The following ATG10 variants were observed in gnomAD, a reference collection of about 807,000 sequenced individuals.
ATG10 encodes ubiquitin-like-conjugating enzyme ATG10.
A neutral mutation model predicts 32.1 loss-of-function variants in ATG10; 30 were observed. That is an observed-to-expected ratio of 0.94 (90% CI 0.70 to 1.27). The LOEUF (loss-of-function observed/expected upper bound fraction) is 1.27. ATG10 is among the 50% of genes most tolerant of loss of function. The pLI is 0.00. For missense variants in ATG10, 233 were observed against 262.3 expected (o/e 0.89, Z 0.77); for synonymous variants, 87 against 91.5 (o/e 0.95, Z 0.28).
intron 3 of ATG10, among the ~76,000 whole-genome samples, chr5:82,145,405 C>T (rs1233079634): frequency 2.0e-5 from 3 of 151,896 alleles, no homozygotes; most frequent in African/African-American, 4.8e-5. Context: ...TTTTTAGATA[C>T]ACTTCTTTAC....
At chr5:82,249,875 G>A (rs572689147) in intron 5 of ATG10, among the ~76,000 whole-genome samples, 11 of 152,320 alleles carry the variant, frequency 7.2e-5, no homozygotes, top group Middle Eastern at 3.4e-3. Flanking sequence ...CCCCTGAACT[G>A]TAAGTGCCTA....
intron 1 of ATG10, among the ~76,000 whole-genome samples, chr5:81,983,810 C>G (rs1480119577): frequency 6.6e-6 from 1 of 151,876 alleles, no homozygotes; most frequent in East Asian, 1.9e-4. Context: ...AGAGACGCTC[C>G]TCACCTCCCA....
intron 3 of ATG10, among the ~76,000 whole-genome samples, chr5:82,124,641 G>GCT (rs1332048361): frequency 6.7e-6 from 1 of 148,802 alleles, no homozygotes; most frequent in Non-Finnish European, 1.5e-5. Context: ...TTCTTTTTTA[G>GCT]GGTATTCCAT....
At chr5:82,112,367 A>G (rs185529780) in intron 3 of ATG10, among the ~76,000 whole-genome samples, 1 of 151,982 alleles carries the variant, frequency 6.6e-6, no homozygotes, top group Non-Finnish European at 1.5e-5. Context: ...AATCTTTTGT[A>G]TAGGTACTGT....
intron 5 of ATG10, among the ~76,000 whole-genome samples, chr5:82,239,544 C>T (rs1746699560): frequency 2.6e-5 from 4 of 152,068 alleles, no homozygotes. Flanking sequence ...CCTGATTGGT[C>T]AGGGATTAGT....
intron 3 of ATG10, among the ~76,000 whole-genome samples, chr5:82,140,155 C>T (rs1581733495): frequency 9.2e-6 from 1 of 108,852 alleles, no homozygotes; most frequent in Non-Finnish European, 2.0e-5. Context: ...AGTGAGGAGC[C>T]CCTCTGCCCG....
At chr5:82,001,222 G>T (rs944712413) in intron 2 of ATG10, among the ~76,000 whole-genome samples, 1 of 152,144 alleles carries the variant, frequency 6.6e-6, no homozygotes, top group East Asian at 1.9e-4. Flanking sequence ...GCAATGTACA[G>T]ATTCAATACT....
intron 5 of ATG10, among the ~76,000 whole-genome samples, chr5:82,228,414 A>G (rs1746223201): frequency 6.6e-6 from 1 of 152,222 alleles, no homozygotes; most frequent in South Asian, 2.1e-4. Flanking sequence ...CAAAATGGCC[A>G]CAGGAAATTT....
chr5:82,113,305 G>C (rs1287203412), intron 3 of ATG10, among the ~76,000 whole-genome samples: 1 of 151,894 alleles, frequency 6.6e-6, no homozygotes, highest in Non-Finnish European at 1.5e-5. Flanking sequence ...ATCAGATGAA[G>C]AATACTTAAT....
Position 82,060,853 on chromosome 5 carries a change from GA to G in ATG10, c.216+2263del, listed in dbSNP as rs375876470. The stretch of plus-strand genomic sequence containing the variant: ...GGTGACAGAGTGAGACCTTGTCTGG[GA>G]AAAAAAAAAAAGTTCATGTTAAGTG... On this transcript the variant is annotated intron_variant, in intron 3 of 7. Coordinates refer to ENST00000282185, the MANE Select transcript of ATG10 (RefSeq NM_031482.5). Among the ~76,000 whole-genome samples the G allele has an allele frequency of 2.6e-3, 382 of 144,360 alleles. 1 individual carries two copies. Among genetic ancestry groups the G allele is most frequent in the African/African-American group, 8.5e-3 (338 of 39,644 alleles). 94.7% of individuals were successfully genotyped at this position (144,360 alleles called of 152,430 possible).
At chr5:82,012,908 G>A (rs574630230) in intron 2 of ATG10, among the ~76,000 whole-genome samples, 8 of 151,470 alleles carry the variant, frequency 5.3e-5, no homozygotes, top group African/African-American at 1.5e-4. Flanking sequence ...TCCGCCTTCC[G>A]TGGCTTCCCA....
intron 5 of ATG10, among the ~76,000 whole-genome samples, chr5:82,248,035 A>G (rs781616408): frequency 6.6e-6 from 1 of 152,162 alleles, no homozygotes. Flanking sequence ...TTCTTTTGCC[A>G]ATGGATGTGT....
chr5:82,126,068 GCTCT>G (rs1348273048), intron 3 of ATG10, among the ~76,000 whole-genome samples: 2 of 127,524 alleles, frequency 1.6e-5, no homozygotes, highest in Non-Finnish European at 3.3e-5. Flanking sequence ...CTATGATTTG[GCTCT>G]CTGTTTGTCT....
At chr5:82,160,562 T>C (rs1185177178) in intron 3 of ATG10, among the ~76,000 whole-genome samples, 5 of 152,198 alleles carry the variant, frequency 3.3e-5, no homozygotes, top group Admixed American at 6.5e-5. Flanking sequence ...TTTACTTCTA[T>C]GAGAAACTGT....
intron 5 of ATG10, among the ~76,000 whole-genome samples, chr5:82,206,369 C>T (rs1035650343): frequency 1.6e-4 from 25 of 152,000 alleles, no homozygotes; most frequent in African/African-American, 2.2e-4. Context: ...AACTTCTCAC[C>T]GGGCGCGGTG....
At chr5:82,139,549 T>C (rs1581731849) in intron 3 of ATG10, among the ~76,000 whole-genome samples, 1 of 134,446 alleles carries the variant, frequency 7.4e-6, no homozygotes, top group African/African-American at 2.9e-5. Context: ...GTCTGGGAGG[T>C]GAGGAGCGTC....
chr5:82,088,952 A>G (rs1332185521), intron 3 of ATG10, among the ~76,000 whole-genome samples: 2 of 152,212 alleles, frequency 1.3e-5, no homozygotes, highest in Non-Finnish European at 2.9e-5. Flanking sequence ...TTATATGAAA[A>G]GGCAAAGGAA....
At chr5:82,100,006 T>A (rs1382900571) in intron 3 of ATG10, among the ~76,000 whole-genome samples, 4 of 125,160 alleles carry the variant, frequency 3.2e-5, no homozygotes, top group African/African-American at 1.3e-4. Flanking sequence ...CTGTGTTTTT[T>A]TTTTTTTTTT....
At chr5:82,098,943 A>G (rs1765168793) in intron 3 of ATG10, among the ~76,000 whole-genome samples, 1 of 152,242 alleles carries the variant, frequency 6.6e-6, no homozygotes, top group Admixed American at 6.5e-5. Context: ...ATAAAATGGC[A>G]TTACATCTTG....
Sources: allele counts gnomAD v4.1 joint callset (sites outside exome capture counted in the v4.1 genomes callset), GRCh38; gene constraint gnomAD v4.1.1; transcripts MANE v1.5; gene names NCBI Gene and HGNC (gene_info 2026-07-23, HGNC 2026-07-21).